NME7: variants seen among roughly 807,000 people sequenced by gnomAD.
NME7 encodes the protein NME/NM23 family member 7, also known as nucleoside diphosphate kinase 7.
A neutral mutation model predicts 49.1 loss-of-function variants in NME7; 41 were observed. The ratio of observed to expected loss-of-function variants is 0.83; its 90% CI spans 0.65 to 1.08. NME7 has a LOEUF of 1.08. Ranked by LOEUF, NME7 falls within the 50% of genes least tolerant of loss-of-function variation. NME7 has a pLI of 0.00. For missense variants in NME7, 423 were observed against 463.4 expected, an observed-to-expected ratio of 0.91 and a Z score of 0.80; for synonymous variants, 139 against 150.6, an observed-to-expected ratio of 0.92 and a Z score of 0.56.
chr1:169,227,949 G>A (rs1037342361), intron 10 of NME7, among the ~76,000 whole-genome samples: 1 of 151,552 alleles, frequency 6.6e-6, no homozygotes, highest in African/African-American at 2.4e-5. Flanking sequence ...CACAGGCTAA[G>A]ATCTTTGAGG....
chr1:169,289,094 A>G (rs1408745466), intron 6 of NME7, among the ~76,000 whole-genome samples: 1 of 152,120 alleles, frequency 6.6e-6, no homozygotes, highest in Non-Finnish European at 1.5e-5. Context: ...CATTCCACCA[A>G]AGCTGCTCAT....
At chr1:169,333,389 A>G (rs564251726) in intron 1 of NME7, among the ~76,000 whole-genome samples, 1 of 152,218 alleles carries the variant, frequency 6.6e-6, no homozygotes, top group Non-Finnish European at 1.5e-5. Context: ...AATGACTAAG[A>G]CCTAATATTT....
chr1:169,337,514 A>G (rs553266955), intron 1 of NME7, among the ~76,000 whole-genome samples: 3 of 152,296 alleles, frequency 2.0e-5, no homozygotes, highest in African/African-American at 7.2e-5. Context: ...GCCAGCCCAG[A>G]AAGGAGCTCC....
In NME7 at chr1:169,320,555, T is replaced by C. The variant is rs1264257173; in HGVS notation, c.278+2562A>G. On this transcript the variant is annotated intron_variant, in intron 3 of 11. Coordinates refer to ENST00000367811, the MANE Select transcript of NME7 (RefSeq NM_013330.5). The stretch of plus-strand genomic sequence containing the variant: ...GGTTGTTACATAGAAGGTGTTTCTG[T>C]GGAACGCTGATAGACATACACACAT... Among the ~76,000 whole-genome samples the C allele has an allele frequency of 3.3e-5, 5 of 152,322 alleles. No individual in the cohort carries two copies. The East Asian group carries it at 9.6e-4, about 29-fold the overall frequency.
chr1:169,202,188 T>C (rs112190288), intron 10 of NME7, among the ~76,000 whole-genome samples: 8 of 152,302 alleles, frequency 5.3e-5, no homozygotes, highest in African/African-American at 1.9e-4. Context: ...TCATATTGAA[T>C]TGTAATCTCC....
intron 1 of NME7, among the ~76,000 whole-genome samples, chr1:169,360,600 T>C (rs1653618747): frequency 6.6e-6 from 1 of 152,106 alleles, no homozygotes; most frequent in Non-Finnish European, 1.5e-5. Flanking sequence ...ACTATCTCCC[T>C]CCTGTTCCTC....
chr1:169,158,353 C>T (rs7552484), intron 11 of NME7, among the ~76,000 whole-genome samples: 59,991 of 151,998 alleles, frequency 0.39, 12,190 homozygotes, highest in East Asian at 0.73. Context: ...CTACTCAGAA[C>T]GGCATACAAT....
At chr1:169,208,467 A>G (rs533484895) in intron 10 of NME7, among the ~76,000 whole-genome samples, 1 of 152,172 alleles carries the variant, frequency 6.6e-6, no homozygotes, top group Non-Finnish European at 1.5e-5. Flanking sequence ...GAACCTTTAG[A>G]AGCCTTTTGA....
chr1:169,187,316 C>T (rs1007109696), intron 10 of NME7, among the ~76,000 whole-genome samples: 2 of 152,046 alleles, frequency 1.3e-5, no homozygotes, highest in African/African-American at 4.8e-5. Context: ...TTTTCTGTCT[C>T]GTTGATCTGT....
intron 10 of NME7, among the ~76,000 whole-genome samples, chr1:169,172,860 C>T (rs895498992): frequency 6.6e-6 from 1 of 152,196 alleles, no homozygotes; most frequent in Non-Finnish European, 1.5e-5. Context: ...CCAATATAGG[C>T]CTTCTTGACT....
At chr1:169,155,177 GAT>G (rs1237873920) in intron 11 of NME7, among the ~76,000 whole-genome samples, 2 of 150,834 alleles carry the variant, frequency 1.3e-5, no homozygotes, top group Admixed American at 6.6e-5. Context: ...TATGAAATGT[GAT>G]ATATGTTTTC....
At chr1:169,147,828 A>T (rs1307401514) in intron 11 of NME7, among the ~76,000 whole-genome samples, 2 of 152,186 alleles carry the variant, frequency 1.3e-5, no homozygotes, top group African/African-American at 4.8e-5. Flanking sequence ...TACTTTCAAG[A>T]TGTTGTCTTA....
chr1:169,168,871 A>G lies in NME7; in HGVS notation c.1098+576T>C, dbSNP rs1204382197. 6.6e-6 allele frequency: 3 copies of G among 456,224 alleles called. No individual in the cohort carries two copies. In the East Asian group the frequency reaches 2.1e-4, roughly 32 times the overall value. 28.3% of individuals were successfully genotyped at this position (456,224 alleles called of 1,614,324 possible). A position where few individuals can be genotyped will look rare whatever the true frequency, so the allele number is the denominator to read the frequency against. The stretch of plus-strand genomic sequence containing the variant: ...CAAAGTTCACCCAAGAGTTTTTTCA[A>G]ATTGTCACAAATCTCCAAACTTTCT... On this transcript the variant is annotated intron_variant, in intron 11 of 11. Transcript: ENST00000367811.
chr1:169,287,371 C>T lies in NME7; in HGVS notation c.686G>A (p.Gly229Glu), dbSNP rs1650317763. ...ELFFPSSGGC[G>E]PANTAKFTNC... ...AGTAAATTTAGCAGTGTTTGCCGGC[C>T]CACAACCTCCACTTGAAGGAAAAAA... is the stretch of plus-strand genomic sequence containing the variant. The change falls in exon 7 of 12, where the codon GGG (glycine) becomes GAG (glutamate). Residue 229 changes from glycine to glutamate, a missense_variant. Physicochemically the swap from Gly to Glu is moderately conservative, Grantham distance 98 (BLOSUM62 -2). Transcript: ENST00000367811. 3 of 1,602,558 alleles carry T rather than the reference C, an allele frequency of 1.9e-6. No individual in the cohort carries two copies. The highest frequency in any genetic ancestry group is 1.1e-5 in the South Asian group (1 of 87,646).
chr1:169,358,580 T>C (rs560960349), intron 1 of NME7, among the ~76,000 whole-genome samples: 2 of 152,232 alleles, frequency 1.3e-5, no homozygotes, highest in East Asian at 3.9e-4. Flanking sequence ...AAACCTTGAA[T>C]TTTAACAATT....
chr1:169,185,715 G>C (rs1279336382), intron 10 of NME7, among the ~76,000 whole-genome samples: 1 of 152,148 alleles, frequency 6.6e-6, no homozygotes, highest in Non-Finnish European at 1.5e-5. Flanking sequence ...CTGTCCCTCT[G>C]TAAGAGCACA....
chr1:169,245,802 C>T (rs147182041), intron 7 of NME7, among the ~76,000 whole-genome samples: 11 of 152,166 alleles, frequency 7.2e-5, no homozygotes, highest in Non-Finnish European at 1.3e-4. Flanking sequence ...ATGTTCAATG[C>T]TAACATATAA....
At chr1:169,159,002 G>A (rs1659163626) in intron 11 of NME7, among the ~76,000 whole-genome samples, 1 of 152,014 alleles carries the variant, frequency 6.6e-6, no homozygotes, top group Non-Finnish European at 1.5e-5. Flanking sequence ...TTGCTAGTGG[G>A]AGCAATGTTC....
intron 3 of NME7, among the ~76,000 whole-genome samples, chr1:169,312,250 C>T (rs961688049): frequency 6.6e-6 from 1 of 152,210 alleles, no homozygotes; most frequent in African/African-American, 2.4e-5. Flanking sequence ...GAGGCTAGAG[C>T]AGGCCTCTTC....
Sources: allele counts gnomAD v4.1 joint callset (sites outside exome capture counted in the v4.1 genomes callset), GRCh38; gene constraint gnomAD v4.1.1; transcripts MANE v1.5; gene names NCBI Gene and HGNC (gene_info 2026-07-23, HGNC 2026-07-21).